Variants in GNA12 observed in about 807,000 individuals in gnomAD.
GNA12 encodes the protein guanine nucleotide-binding protein subunit alpha-12.
Under a neutral mutation model 26.0 loss-of-function variants are expected in GNA12, and 9 were observed. The ratio of observed to expected loss-of-function variants is 0.35; its 90% CI spans 0.21 to 0.60. The LOEUF (loss-of-function observed/expected upper bound fraction) is 0.60, where lower values mean the gene tolerates loss of function less well. Ranked by LOEUF, GNA12 falls within the 20% of genes least tolerant of loss-of-function variation. The probability of loss-of-function intolerance (pLI) is 0.78; values close to 1 mark genes in which losing one functional copy is unlikely to be tolerated. For missense variants in GNA12, 405 were observed against 525.8 expected (o/e 0.77, Z 2.25); for synonymous variants, 264 against 219.6 (o/e 1.20, Z -1.79).
intron 1 of GNA12, among the ~76,000 whole-genome samples, chr7:2,797,990 CT>C (rs1792719951): frequency 6.6e-6 from 1 of 152,154 alleles, no homozygotes; most frequent in Non-Finnish European, 1.5e-5. Flanking sequence ...CAGAGAAATG[CT>C]TCAACTTGAT....
At chr7:2,760,051 G>A (rs1030876921) in intron 2 of GNA12, among the ~76,000 whole-genome samples, 4 of 152,240 alleles carry the variant, frequency 2.6e-5, no homozygotes, top group Admixed American at 2.0e-4. Flanking sequence ...GAAAACACTA[G>A]GATGTCAAGG....
chr7:2,739,137 C>A (rs1790369946), intron 2 of GNA12, among the ~76,000 whole-genome samples: 1 of 152,234 alleles, frequency 6.6e-6, no homozygotes, highest in Non-Finnish European at 1.5e-5. Flanking sequence ...AAGCACCAGC[C>A]CCCTTGCCTG....
chr7:2,732,942 G>C (rs1167627490), intron 3 of GNA12, among the ~76,000 whole-genome samples: 1 of 152,134 alleles, frequency 6.6e-6, no homozygotes, highest in Non-Finnish European at 1.5e-5. Context: ...GAGACAACAG[G>C]GAAAATCTCT....
At chr7:2,783,918 C>T (rs1479576782) in intron 2 of GNA12, among the ~76,000 whole-genome samples, 1 of 151,962 alleles carries the variant, frequency 6.6e-6, no homozygotes, top group Non-Finnish European at 1.5e-5. Flanking sequence ...CTCCTGACTT[C>T]AAGTGATCCA....
At chr7:2,743,386 G>A (rs1383469326) in intron 2 of GNA12, among the ~76,000 whole-genome samples, 2 of 152,110 alleles carry the variant, frequency 1.3e-5, no homozygotes, top group African/African-American at 2.4e-5. Flanking sequence ...TTCAAAATAT[G>A]GAAGATATTC....
chr7:2,840,661 C>A (rs545585750), intron 1 of GNA12, among the ~76,000 whole-genome samples: 1 of 152,174 alleles, frequency 6.6e-6, no homozygotes, highest in South Asian at 2.1e-4. Context: ...GAGCTCAAGA[C>A]CAGCCTGGGC....
chr7:2,738,985 G>C (rs1790356809), intron 2 of GNA12, among the ~76,000 whole-genome samples: 1 of 152,148 alleles, frequency 6.6e-6, no homozygotes, highest in African/African-American at 2.4e-5. Flanking sequence ...CCACCCCTTG[G>C]TCACAGCAGT....
At chr7:2,812,966 CAG>C (rs1371345917) in intron 1 of GNA12, among the ~76,000 whole-genome samples, 1 of 152,172 alleles carries the variant, frequency 6.6e-6, no homozygotes, top group Non-Finnish European at 1.5e-5. Context: ...TGTTTAGAGA[CAG>C]AGTCTCGCTC....
intron 2 of GNA12, among the ~76,000 whole-genome samples, chr7:2,783,293 T>C (rs983419610): frequency 6.6e-6 from 1 of 152,208 alleles, no homozygotes; most frequent in African/African-American, 2.4e-5. Context: ...CACTTTAAAC[T>C]GGATCCATCG....
chr7:2,793,081 C>T (rs926478433), intron 2 of GNA12, among the ~76,000 whole-genome samples: 1 of 152,218 alleles, frequency 6.6e-6, no homozygotes, highest in Non-Finnish European at 1.5e-5. Context: ...CAAAAAAATG[C>T]ATCCCCTCAT....
intron 1 of GNA12, among the ~76,000 whole-genome samples, chr7:2,817,136 C>T (rs933041171): frequency 3.3e-5 from 5 of 152,340 alleles, no homozygotes; most frequent in Admixed American, 6.5e-5. Context: ...GACAGAGTCT[C>T]GCTCTATTGC....
Position 2,730,414 on chromosome 7 carries a change from G to C in GNA12, c.*767C>G, listed in dbSNP as rs1457641015. 1 of 152,584 alleles carries C rather than the reference G, an allele frequency of 6.6e-6. No homozygotes were observed. The highest frequency in any genetic ancestry group is 1.9e-4 in the East Asian group (1 of 5,328). 9.5% of individuals were successfully genotyped at this position (152,584 alleles called of 1,614,324 possible). A position where few individuals can be genotyped will look rare whatever the true frequency, so the allele number is the denominator to read the frequency against. On this transcript the variant is annotated 3_prime_UTR_variant, in exon 4 of 4. Coordinates refer to ENST00000275364, the MANE Select transcript of GNA12 (RefSeq NM_007353.3). ...CACCGTGGGCATCCTGTCTCACTCC[G>C]TGTTGTGCTGCTGGGCATGGGGCAG...
intron 1 of GNA12, among the ~76,000 whole-genome samples, chr7:2,814,160 G>C (rs902379165): frequency 4.6e-5 from 7 of 152,096 alleles, no homozygotes; most frequent in Admixed American, 1.3e-4. Context: ...CAGAACATGG[G>C]ACTTCTCAGC....
At chr7:2,810,317 G>A (rs2115480336) in intron 1 of GNA12, among the ~76,000 whole-genome samples, 1 of 152,158 alleles carries the variant, frequency 6.6e-6, no homozygotes, top group South Asian at 2.1e-4. Flanking sequence ...CTTTTATAAG[G>A]ACACTAATCA....
chr7:2,739,736 C>A (rs184998891), intron 2 of GNA12, among the ~76,000 whole-genome samples: 13 of 152,070 alleles, frequency 8.5e-5, no homozygotes, highest in African/African-American at 3.1e-4. Flanking sequence ...TGTAGTGGTG[C>A]GATCTTGGCT....
At chr7:2,819,772 G>GTT (rs1430053497) in intron 1 of GNA12, among the ~76,000 whole-genome samples, 2 of 152,256 alleles carry the variant, frequency 1.3e-5, no homozygotes, top group African/African-American at 4.8e-5. Flanking sequence ...CCCCAAAGAC[G>GTT]TTATATTGGT....
chr7:2,791,395 G>A (rs1004057594), intron 2 of GNA12, among the ~76,000 whole-genome samples: 1 of 152,236 alleles, frequency 6.6e-6, no homozygotes, highest in Non-Finnish European at 1.5e-5. Flanking sequence ...TATGGAAAGG[G>A]AAGATTTCCA....
intron 2 of GNA12, chr7:2,794,672 TGATTCTAA>T: frequency 3.9e-6 from 2 of 506,358 alleles, no homozygotes; most frequent in South Asian, 5.0e-5. Flanking sequence ...CCAATGCTGA[TGATTCTAA>T]GAACCCTCCG....
chr7:2,784,532 T>C lies in GNA12; in HGVS notation c.525+10396A>G, dbSNP rs200540667. ...CACAAACTGTGGAACTTCCTCACTG[T>C]ATACTCCTACCTTTTATGTATGATA... On this transcript the variant is annotated intron_variant, in intron 2 of 3. Coordinates refer to ENST00000275364, the MANE Select transcript of GNA12 (RefSeq NM_007353.3). 2.4e-4 allele frequency among the ~76,000 whole-genome samples: 37 copies of C among 152,366 alleles called. No homozygotes were observed. The East Asian group carries it at 5.8e-3, about 24-fold the overall frequency.
Sources: gnomAD v4.1 joint callset for allele counts (sites outside exome capture counted in the v4.1 genomes callset) on GRCh38, gnomAD v4.1.1 for gene constraint, MANE v1.5 for transcripts, NCBI Gene and HGNC (gene_info 2026-07-23, HGNC 2026-07-21) for gene names.